Variants in STXBP5L observed in about 807,000 individuals in gnomAD.
STXBP5L encodes syntaxin binding protein 5L, also known as syntaxin-binding protein 5-like.
STXBP5L carries 65 observed loss-of-function variants against 144.5 expected under a neutral mutation model. The ratio of observed to expected loss-of-function variants is 0.45; its 90% confidence interval spans 0.37 to 0.55. The LOEUF (loss-of-function observed/expected upper bound fraction) is 0.55. Ranked by LOEUF, STXBP5L falls within the 20% of genes least tolerant of loss-of-function variation. The probability of loss-of-function intolerance (pLI) is 0.00; values close to 1 mark genes in which losing one functional copy is unlikely to be tolerated. For synonymous variants in STXBP5L, 505 were observed against 469.6 expected, an observed-to-expected ratio of 1.08 and a Z score of -0.97; for missense variants, 1,298 against 1,405.5, an observed-to-expected ratio of 0.92 and a Z score of 1.22.
At chr3:121,118,647 A>C (rs558043967) in intron 6 of STXBP5L, among the ~76,000 whole-genome samples, 1 of 151,706 alleles carries the variant, frequency 6.6e-6, no homozygotes, top group African/African-American at 2.4e-5. Flanking sequence ...ACTACCCTGA[A>C]TGCAGGTATG....
At chr3:121,367,419 G>A (rs1043712155) in intron 20 of STXBP5L, among the ~76,000 whole-genome samples, 8 of 151,914 alleles carry the variant, frequency 5.3e-5, no homozygotes, top group Non-Finnish European at 8.8e-5. Context: ...ACTCTTGGTT[G>A]AAATTTTTTT....
chr3:120,991,818 G>A (rs1257056619), intron 3 of STXBP5L, among the ~76,000 whole-genome samples: 1 of 150,276 alleles, frequency 6.7e-6, no homozygotes, highest in African/African-American at 2.5e-5. Flanking sequence ...TTGTGGGGTG[G>A]GGGCAGGGGG....
intron 9 of STXBP5L, among the ~76,000 whole-genome samples, chr3:121,172,154 C>T (rs2046746710): frequency 6.6e-6 from 1 of 152,098 alleles, no homozygotes; most frequent in Non-Finnish European, 1.5e-5. Flanking sequence ...TGAAACTGGA[C>T]CCCTTCCTTA....
intron 3 of STXBP5L, among the ~76,000 whole-genome samples, chr3:120,985,827 A>G (rs558970941): frequency 9.9e-5 from 15 of 151,848 alleles, no homozygotes; most frequent in African/African-American, 2.9e-4. Context: ...TCGTTCATCT[A>G]GCTAAAGGTT....
chr3:121,144,650 A>C (rs2045647428), intron 7 of STXBP5L, among the ~76,000 whole-genome samples: 3 of 151,944 alleles, frequency 2.0e-5, no homozygotes, highest in Admixed American at 2.0e-4. Context: ...TCAAGATCTC[A>C]AAGAGAAATA....
chr3:121,244,957 C>T (rs1486204757), intron 14 of STXBP5L, among the ~76,000 whole-genome samples: 3 of 152,050 alleles, frequency 2.0e-5, no homozygotes, highest in Non-Finnish European at 4.4e-5. Context: ...GAAACAAACA[C>T]ACTAGACAAC....
intron 8 of STXBP5L, 96 bp downstream of exon 8, chr3:121,152,656 G>A (rs2045971568): frequency 1.2e-6 from 1 of 859,208 alleles, no homozygotes; most frequent in Admixed American, 3.0e-5. Context: ...GTTTAGCCTT[G>A]GAAAGTTGCC....
intron 20 of STXBP5L, among the ~76,000 whole-genome samples, chr3:121,353,982 T>A (rs916806219): frequency 6.6e-6 from 1 of 152,236 alleles, no homozygotes; most frequent in South Asian, 2.1e-4. Context: ...TTCCAAATAG[T>A]TGAGCAGTTT....
At position 121,157,478 on chromosome 3, in the gene STXBP5L, A is replaced by T; in HGVS notation, c.754-26A>T. Reference sequence around the variant, plus strand: ...AACCTATCTACTTTTTTCCCCCTCTACTTGTTTTAATTGTTATTTTATTAG... The same window carrying T: ...AACCTATCTACTTTTTTCCCCCTCTTCTTGTTTTAATTGTTATTTTATTAG... On this transcript the variant is annotated intron_variant, in intron 8 of 26. Transcript: ENST00000471454. 1.9e-6 allele frequency: 3 copies of T among 1,546,264 alleles called. No homozygotes were observed. In the Admixed American group the frequency reaches 6.9e-5, roughly 36 times the overall value.
Position 121,223,107 on chromosome 3 carries a change from A to G in STXBP5L, c.1061A>G (p.Asp354Gly). The G allele has an allele frequency of 6.2e-7, 1 of 1,612,396 alleles. No individual in the cohort carries two copies. The highest frequency in any genetic ancestry group is 8.5e-7 in the Non-Finnish European group (1 of 1,179,310). Residue 354 changes from aspartate (D) to glycine (G), a missense_variant, in exon 11 of 27, where the codon GAT becomes GGT. Transcript: ENST00000471454. ...AAAGCAATTACAGTACTTGAAATGG[A>G]TCATCCTATTGTTGAATTTCTAACT... ...HGKAITVLEM[D>G]HPIVEFLTLC...
intron 7 of STXBP5L, among the ~76,000 whole-genome samples, chr3:121,136,706 A>G (rs1351064032): frequency 1.3e-5 from 2 of 152,190 alleles, no homozygotes; most frequent in East Asian, 3.8e-4. Context: ...CTACCATTTG[A>G]TCCAAGAGTG....
intron 19 of STXBP5L, among the ~76,000 whole-genome samples, chr3:121,309,348 A>G (rs2043449232): frequency 1.3e-5 from 2 of 152,128 alleles, no homozygotes; most frequent in Admixed American, 1.3e-4. Flanking sequence ...GAGTTACTGT[A>G]CTAATACCAT....
At chr3:121,360,781 G>T (rs1040845170) in intron 20 of STXBP5L, among the ~76,000 whole-genome samples, 1 of 151,828 alleles carries the variant, frequency 6.6e-6, no homozygotes. Flanking sequence ...ATTTTTTATT[G>T]TTTCATCATT....
At chr3:121,206,382 T>G (rs773896059) in intron 10 of STXBP5L, among the ~76,000 whole-genome samples, 2 of 152,226 alleles carry the variant, frequency 1.3e-5, no homozygotes, top group African/African-American at 2.4e-5. Context: ...AGATCTTACA[T>G]TCTGAAGTTG....
intron 12 of STXBP5L, among the ~76,000 whole-genome samples, chr3:121,233,898 GT>G (rs2049386288): frequency 6.6e-6 from 1 of 152,126 alleles, no homozygotes; most frequent in South Asian, 2.1e-4. Flanking sequence ...AGCACCTGAT[GT>G]TTGGACAGAA....
At chr3:121,419,002 A>G in intron 26 of STXBP5L, 54 bp from the exon 27 acceptor site, 2 of 1,578,448 alleles carry the variant, frequency 1.3e-6, no homozygotes, top group Non-Finnish European at 1.7e-6. Context: ...CCTTGCTTTG[A>G]ATAGCACTTT....
At chr3:121,089,056 A>G (rs1318669588) in intron 5 of STXBP5L, among the ~76,000 whole-genome samples, 1 of 119,344 alleles carries the variant, frequency 8.4e-6, no homozygotes, top group East Asian at 2.4e-4. Flanking sequence ...ACTAACCTGC[A>G]CAATGTGCAC....
intron 20 of STXBP5L, among the ~76,000 whole-genome samples, chr3:121,347,658 T>G (rs546118145): frequency 6.6e-6 from 1 of 152,338 alleles, no homozygotes; most frequent in Admixed American, 6.5e-5. Flanking sequence ...TAGTTCTTCT[T>G]GAAGAGATCC....
chr3:121,293,603 C>A (rs1577382280), intron 19 of STXBP5L, among the ~76,000 whole-genome samples: 1 of 152,160 alleles, frequency 6.6e-6, no homozygotes, highest in Admixed American at 6.5e-5. Context: ...CTCACGCCTG[C>A]AATCCCAACA....
Sources: allele counts gnomAD v4.1 joint callset (sites outside exome capture counted in the v4.1 genomes callset), GRCh38; gene constraint gnomAD v4.1.1; transcripts MANE v1.5; gene names NCBI Gene and HGNC (gene_info 2026-07-23, HGNC 2026-07-21).